Variants in DGKB observed in about 807,000 individuals in gnomAD.
DGKB encodes diacylglycerol kinase beta.
A neutral mutation model predicts 114.3 loss-of-function variants in DGKB; 67 were observed. The ratio of observed to expected loss-of-function variants is 0.59; its 90% CI spans 0.48 to 0.72. DGKB has a LOEUF of 0.72. DGKB is among the 30% of genes least tolerant of loss of function. The probability of loss-of-function intolerance (pLI) is 0.00; values close to 1 mark genes in which losing one functional copy is unlikely to be tolerated. For missense variants in DGKB, 907 were observed against 975.2 expected (o/e 0.93, Z 0.93); for synonymous variants, 398 against 323.1 (o/e 1.23, Z -2.49).
At chr7:14,393,360 C>G (rs900489491) in intron 21 of DGKB, among the ~76,000 whole-genome samples, 13 of 152,088 alleles carry the variant, frequency 8.5e-5, no homozygotes, top group Non-Finnish European at 1.6e-4. Context: ...TTTTGAACCA[C>G]TATTAAGCAA....
At chr7:14,312,767 A>C (rs952560420) in intron 23 of DGKB, among the ~76,000 whole-genome samples, 3 of 152,218 alleles carry the variant, frequency 2.0e-5, no homozygotes, top group African/African-American at 4.8e-5. Context: ...TAAAAATGGA[A>C]GGAGTTTTTC....
At chr7:14,586,566 T>C (rs1800804983) in intron 17 of DGKB, among the ~76,000 whole-genome samples, 1 of 152,102 alleles carries the variant, frequency 6.6e-6, no homozygotes, top group African/African-American at 2.4e-5. Context: ...AGCCTTCTAA[T>C]GGAAGAAGAT....
chr7:14,813,551 C>T (rs1046346643), intron 2 of DGKB, among the ~76,000 whole-genome samples: 2 of 152,128 alleles, frequency 1.3e-5, no homozygotes, highest in African/African-American at 2.4e-5. Flanking sequence ...AACCTTTTTG[C>T]TTCACCTTGT....
At position 14,648,276 on chromosome 7, in the gene DGKB, C is replaced by T. The variant is rs568770594; in HGVS notation, c.1135-18008G>A. 3.0e-3 allele frequency among the ~76,000 whole-genome samples: 458 copies of T among 152,276 alleles called. 18 individuals carry two copies. The South Asian group carries it at 0.091, about 30-fold the overall frequency. ...CAGCTTTGAAGAGAGCAGTAGTTCT[C>T]CCAGCATGCAGCTGGAGATCTGAGA... is the stretch of plus-strand genomic sequence containing the variant. On this transcript the variant is annotated intron_variant, in intron 13 of 25. Coordinates refer to ENST00000402815, the MANE Select transcript of DGKB (RefSeq NM_001350709.2).
chr7:14,392,687 G>C (rs970905218), intron 21 of DGKB, among the ~76,000 whole-genome samples: 2 of 152,126 alleles, frequency 1.3e-5, no homozygotes, highest in Non-Finnish European at 2.9e-5. Flanking sequence ...AACTCAGAAA[G>C]TGGAGAGTAG....
intron 12 of DGKB, among the ~76,000 whole-genome samples, chr7:14,678,509 A>G (rs1479913284): frequency 2.6e-5 from 4 of 152,016 alleles, no homozygotes; most frequent in African/African-American, 9.7e-5. Context: ...CTGCCAACAG[A>G]AATACACAGC....
At chr7:14,538,119 A>G (rs1014745543) in intron 20 of DGKB, among the ~76,000 whole-genome samples, 2 of 148,082 alleles carry the variant, frequency 1.4e-5, no homozygotes, top group Non-Finnish European at 3.0e-5. Context: ...AAATGGGACT[A>G]CATCAAACCA....
intron 20 of DGKB, among the ~76,000 whole-genome samples, chr7:14,540,176 T>G (rs12669027): frequency 1.3e-5 from 2 of 151,936 alleles, no homozygotes; most frequent in African/African-American, 2.4e-5. Context: ...TACATCATTT[T>G]GGGAGGTATA....
upstream of DGKB, among the ~76,000 whole-genome samples, chr7:14,906,041 C>T (rs572343018): frequency 2.0e-5 from 3 of 152,180 alleles, no homozygotes; most frequent in East Asian, 3.9e-4. Context: ...CTTAAGATTC[C>T]TCCAAAATGA....
chr7:14,754,950 G>A (rs189802182), intron 3 of DGKB, among the ~76,000 whole-genome samples: 42 of 152,186 alleles, frequency 2.8e-4, no homozygotes, highest in East Asian at 2.7e-3. Flanking sequence ...CAGGGCATTA[G>A]CCTTAAACTG....
At chr7:14,327,774 A>T (rs953510632) in intron 23 of DGKB, among the ~76,000 whole-genome samples, 15 of 152,258 alleles carry the variant, frequency 9.9e-5, no homozygotes, top group African/African-American at 2.9e-4. Flanking sequence ...AGACAACAAT[A>T]CCGAGGACAT....
At chr7:14,701,285 T>G (rs1825124367) in intron 7 of DGKB, among the ~76,000 whole-genome samples, 1 of 152,348 alleles carries the variant, frequency 6.6e-6, no homozygotes, top group South Asian at 2.1e-4. Context: ...ACTGACTTTA[T>G]ACATCCTTAA....
At chr7:14,313,142 C>T (rs35689654) in intron 23 of DGKB, among the ~76,000 whole-genome samples, 8,231 of 152,206 alleles carry the variant, frequency 0.054, 318 homozygotes, top group Non-Finnish European at 0.088. Context: ...TGATATAATG[C>T]CAAAGAATAA....
At chr7:14,232,521 T>C (rs1437901420) in intron 23 of DGKB, among the ~76,000 whole-genome samples, 1 of 151,836 alleles carries the variant, frequency 6.6e-6, no homozygotes, top group South Asian at 2.1e-4. Context: ...CTCATGGCAC[T>C]ATATCCAGAC....
chr7:14,669,209 T>A (rs981817853), intron 13 of DGKB, among the ~76,000 whole-genome samples: 5 of 152,320 alleles, frequency 3.3e-5, no homozygotes, highest in Middle Eastern at 3.4e-3. Context: ...TTGTTCCTTT[T>A]AAAATATAAG....
rs1051862643 is a variant in DGKB at position 14,617,391 on chromosome 7, A to G, written c.1285-3978T>C. Among the ~76,000 whole-genome samples, 5 of 151,614 alleles carry G rather than the reference A, an allele frequency of 3.3e-5. No individual in the cohort carries two copies. In the East Asian group the frequency reaches 9.6e-4, roughly 29 times the overall value. On this transcript the variant is annotated intron_variant, in intron 15 of 25. Coordinates refer to ENST00000402815, the MANE Select transcript of DGKB (RefSeq NM_001350709.2). The stretch of plus-strand genomic sequence containing the variant: ...TTCTCATAAACCCTGTAGTCAATTC[A>G]TCAGCATATCTTTTGCTCATTCCTC...
intron 1 of DGKB, among the ~76,000 whole-genome samples, chr7:14,911,707 C>T (rs917967408): frequency 1.3e-5 from 2 of 152,130 alleles, no homozygotes; most frequent in African/African-American, 4.8e-5. Context: ...TCACAAGTAC[C>T]TTAGCTATAG....
intron 25 of DGKB, among the ~76,000 whole-genome samples, chr7:14,161,011 A>C (rs1783795104): frequency 6.6e-6 from 1 of 152,240 alleles, no homozygotes. Context: ...GGATATGAAC[A>C]GACACTTCTC....
intron 17 of DGKB, among the ~76,000 whole-genome samples, chr7:14,606,103 A>C (rs1804457310): frequency 6.6e-6 from 1 of 152,124 alleles, no homozygotes; most frequent in African/African-American, 2.4e-5. Flanking sequence ...ATCCTAATTC[A>C]AAGAAGAGCT....
Sources: gnomAD v4.1 joint callset for allele counts (sites outside exome capture counted in the v4.1 genomes callset) on GRCh38, gnomAD v4.1.1 for gene constraint, MANE v1.5 for transcripts, NCBI Gene and HGNC (gene_info 2026-07-23, HGNC 2026-07-21) for gene names.